Variants in CERS6 observed in about 807,000 individuals in gnomAD.
The protein encoded by CERS6 is ceramide synthase 6.
A neutral mutation model predicts 56.8 loss-of-function variants in CERS6; 26 were observed. The observed-to-expected ratio is 0.46, with a 90% confidence interval of 0.34 to 0.63. The LOEUF (loss-of-function observed/expected upper bound fraction) is 0.63. Among genes scored for constraint, CERS6 ranks in the 30% least tolerant of loss-of-function variants. The pLI, the probability that CERS6 is intolerant of heterozygous loss-of-function variation, is 0.01. For missense variants in CERS6, 415 were observed against 467.5 expected (o/e 0.89, Z 1.04); for synonymous variants, 164 against 173.3 (o/e 0.95, Z 0.42).
chr2:168,657,401 C>T (rs1262217617), intron 4 of CERS6, among the ~76,000 whole-genome samples: 1 of 152,272 alleles, frequency 6.6e-6, no homozygotes, highest in African/African-American at 2.4e-5. Flanking sequence ...ACCGGGGCTG[C>T]AGGTGGAGCT....
intron 1 of CERS6, among the ~76,000 whole-genome samples, chr2:168,505,147 G>A (rs748724949): frequency 3.3e-5 from 5 of 151,936 alleles, no homozygotes; most frequent in Non-Finnish European, 4.4e-5. Context: ...GAGGCCAAGC[G>A]GGCTATTCCC....
At chr2:168,679,921 G>C (rs1344260136) in intron 4 of CERS6, among the ~76,000 whole-genome samples, 3 of 152,184 alleles carry the variant, frequency 2.0e-5, no homozygotes, top group African/African-American at 2.4e-5. Flanking sequence ...GTGCTTAGAA[G>C]TCTTTTTAAA....
chr2:168,511,082 T>TG (rs1442479993), intron 1 of CERS6, among the ~76,000 whole-genome samples: 9 of 152,294 alleles, frequency 5.9e-5, no homozygotes, highest in African/African-American at 2.2e-4. Flanking sequence ...CCTTTATTCT[T>TG]GCTGCCTCTT....
At chr2:168,536,803 T>C (rs900905108) in intron 1 of CERS6, among the ~76,000 whole-genome samples, 5 of 152,160 alleles carry the variant, frequency 3.3e-5, no homozygotes, top group African/African-American at 1.2e-4. Context: ...ATGTTAATAA[T>C]GGTTATCTTT....
At chr2:168,687,679 A>G (rs1185883948) in intron 4 of CERS6, among the ~76,000 whole-genome samples, 1 of 152,180 alleles carries the variant, frequency 6.6e-6, no homozygotes, top group Non-Finnish European at 1.5e-5. Flanking sequence ...TGTGAGAAGG[A>G]ATAATGTGAA....
At chr2:168,569,719 A>G (rs533309772) in intron 3 of CERS6, among the ~76,000 whole-genome samples, 8 of 152,152 alleles carry the variant, frequency 5.3e-5, no homozygotes, top group Non-Finnish European at 1.2e-4. Flanking sequence ...GTGGGTCAGT[A>G]TGGTGGTGAA....
chr2:168,547,172 A>G (rs1295811737), intron 1 of CERS6, among the ~76,000 whole-genome samples: 3 of 152,248 alleles, frequency 2.0e-5, no homozygotes, highest in Admixed American at 2.0e-4. Flanking sequence ...CGGGTGGTCA[A>G]AGCGCTCTCT....
intron 3 of CERS6, among the ~76,000 whole-genome samples, chr2:168,579,662 T>C (rs1373819661): frequency 6.6e-6 from 1 of 152,332 alleles, no homozygotes; most frequent in East Asian, 1.9e-4. Context: ...GGCACAGGTA[T>C]ACCCACCTGG....
rs1684941141 is a variant in CERS6 at position 168,774,254 on chromosome 2, T to C, written c.*4592T>C. 2 of 152,238 alleles carry C rather than the reference T, an allele frequency of 1.3e-5. No homozygotes were observed. Among genetic ancestry groups the C allele is most frequent in the Admixed American group, 1.3e-4 (2 of 15,288 alleles). The allele number at this position is 152,238 out of a possible 1,614,324, so 9.4% of individuals were successfully genotyped here. ...GGGATGTGAGGGGACCGTTAAGATCTGTCTTGCTTATCTCATGCACTCACA... is the reference window on the plus strand; with the variant it reads ...GGGATGTGAGGGGACCGTTAAGATCCGTCTTGCTTATCTCATGCACTCACA... On this transcript the variant is annotated 3_prime_UTR_variant, in exon 10 of 10. Coordinates refer to ENST00000305747, the MANE Select transcript of CERS6 (RefSeq NM_203463.3).
At chr2:168,735,687 G>A (rs1028621660) in intron 8 of CERS6, among the ~76,000 whole-genome samples, 1 of 151,502 alleles carries the variant, frequency 6.6e-6, no homozygotes, top group African/African-American at 2.4e-5. Context: ...ACCAGCCTGG[G>A]CAACATAGTG....
At chr2:168,472,675 T>C (rs1245932879) in intron 1 of CERS6, among the ~76,000 whole-genome samples, 1 of 152,170 alleles carries the variant, frequency 6.6e-6, no homozygotes, top group East Asian at 1.9e-4. Context: ...TTCCACCTTA[T>C]TTGATTAATA....
At chr2:168,692,486 A>G (rs574100360) in intron 5 of CERS6, among the ~76,000 whole-genome samples, 1 of 152,306 alleles carries the variant, frequency 6.6e-6, no homozygotes, top group East Asian at 1.9e-4. Flanking sequence ...TGCTAGAGCT[A>G]TGGTCTATAC....
chr2:168,523,311 G>A (rs1261421258), intron 1 of CERS6, among the ~76,000 whole-genome samples: 1 of 152,130 alleles, frequency 6.6e-6, no homozygotes, highest in Non-Finnish European at 1.5e-5. Context: ...TCTCTTATCA[G>A]GGAAGAAGAT....
chr2:168,759,348 C>T (rs116214839), intron 8 of CERS6, among the ~76,000 whole-genome samples: 1,902 of 152,178 alleles, frequency 0.012, 48 homozygotes, highest in African/African-American at 0.041. Flanking sequence ...TCACCCTTGG[C>T]AAAAGGTTTG....
intron 3 of CERS6, among the ~76,000 whole-genome samples, chr2:168,581,931 C>A (rs1007663381): frequency 2.0e-5 from 3 of 152,186 alleles, no homozygotes; most frequent in African/African-American, 7.2e-5. Context: ...ATGGACGATA[C>A]CCCAGCCCAG....
intron 3 of CERS6, among the ~76,000 whole-genome samples, chr2:168,592,593 G>C (rs1396444569): frequency 1.3e-5 from 2 of 152,118 alleles, no homozygotes; most frequent in Admixed American, 1.3e-4. Flanking sequence ...GGAATGAAAG[G>C]CTGGGGGCAG....
chr2:168,695,526 G>T lies in CERS6; in HGVS notation c.609+475G>T, dbSNP rs183577816. Reference sequence around the variant, plus strand: ...CTGGTTTCCACCTATCCCCTCCACTGTAATCACTTTTGTGTGACCCCTTAC... The same window carrying T: ...CTGGTTTCCACCTATCCCCTCCACTTTAATCACTTTTGTGTGACCCCTTAC... On this transcript the variant is annotated intron_variant, in intron 6 of 9. Coordinates refer to ENST00000305747, the MANE Select transcript of CERS6 (RefSeq NM_203463.3). 6.6e-5 allele frequency among the ~76,000 whole-genome samples: 10 copies of T among 152,264 alleles called. No individual in the cohort carries two copies. In the East Asian group the frequency reaches 1.9e-3, roughly 29 times the overall value.
At chr2:168,769,219 G>T (rs964500563) in intron 9 of CERS6, among the ~76,000 whole-genome samples, 3 of 152,114 alleles carry the variant, frequency 2.0e-5, no homozygotes, top group Non-Finnish European at 4.4e-5. Context: ...GCTACTTTTT[G>T]ATTACAAGTG....
intron 1 of CERS6, among the ~76,000 whole-genome samples, chr2:168,535,934 A>G (rs1309789046): frequency 1.3e-5 from 2 of 151,302 alleles, no homozygotes; most frequent in Non-Finnish European, 1.5e-5. Flanking sequence ...TGATGTTTCC[A>G]TTTGTTCTTT....
Sources: allele counts gnomAD v4.1 joint callset (sites outside exome capture counted in the v4.1 genomes callset), GRCh38; gene constraint gnomAD v4.1.1; transcripts MANE v1.5; gene names NCBI Gene and HGNC (gene_info 2026-07-23, HGNC 2026-07-21).